The following SPMAP2L variants were observed in gnomAD, a reference collection of about 807,000 sequenced individuals.
SPMAP2L encodes the protein sperm microtubule associated protein 2-like.
the SPMAP2L span, among the ~76,000 whole-genome samples, chr4:56,567,337 G>T: frequency 6.6e-6 from 1 of 151,164 alleles, no homozygotes; most frequent in Non-Finnish European, 1.5e-5. Context: ...TACGATGTTG[G>T]CTCACTGCAA....
At chr4:56,606,436 T>A in the SPMAP2L span, among the ~76,000 whole-genome samples, 1 of 152,150 alleles carries the variant, frequency 6.6e-6, no homozygotes, top group Non-Finnish European at 1.5e-5. Flanking sequence ...TCTGGGACTG[T>A]GGATCTTAAG....
At chr4:56,613,049 T>G in the SPMAP2L span, among the ~76,000 whole-genome samples, 1 of 152,102 alleles carries the variant, frequency 6.6e-6, no homozygotes, top group Non-Finnish European at 1.5e-5. Flanking sequence ...CTGTCTTCAG[T>G]GGTTAGCCTT....
chr4:56,600,295 T>C, the SPMAP2L span, among the ~76,000 whole-genome samples: 2 of 151,464 alleles, frequency 1.3e-5, no homozygotes, highest in African/African-American at 4.9e-5. Context: ...TAGGATGGGT[T>C]TATTTATTTA....
the SPMAP2L span, among the ~76,000 whole-genome samples, chr4:56,599,271 C>T: frequency 6.6e-6 from 1 of 152,122 alleles, no homozygotes; most frequent in Non-Finnish European, 1.5e-5. Context: ...TAGCCTCAAC[C>T]TCCCTGGGCT....
the SPMAP2L span, chr4:56,601,058 C>G: frequency 6.5e-7 from 1 of 1,535,402 alleles, no homozygotes; most frequent in Non-Finnish European, 8.7e-7. Context: ...TATGCTACTA[C>G]TCATTCCAAA....
At chr4:56,573,468 C>T in the SPMAP2L span, among the ~76,000 whole-genome samples, 1 of 152,072 alleles carries the variant, frequency 6.6e-6, no homozygotes, top group Non-Finnish European at 1.5e-5. Context: ...ACTGCTTGGG[C>T]CTTTCCCCTC....
chr4:56,531,234 A>C, the SPMAP2L span: 1 of 1,468,914 alleles, frequency 6.8e-7, no homozygotes. Flanking sequence ...CCACGCGCTG[A>C]GCACCCACGC....
chr4:56,577,621 A>G, the SPMAP2L span, among the ~76,000 whole-genome samples: 7 of 152,174 alleles, frequency 4.6e-5, no homozygotes, highest in African/African-American at 1.7e-4. Context: ...GCACTGAAGG[A>G]AAAAGATTGT....
chr4:56,589,533 G>A, the SPMAP2L span, among the ~76,000 whole-genome samples: 92 of 152,164 alleles, frequency 6.0e-4, no homozygotes, highest in Admixed American at 1.7e-3. Context: ...CACTATGGTC[G>A]TTTTCACAAT....
chr4:56,539,803 T>A, the SPMAP2L span, among the ~76,000 whole-genome samples: 1 of 152,140 alleles, frequency 6.6e-6, no homozygotes, highest in Non-Finnish European at 1.5e-5. Flanking sequence ...AGGCCCTGAC[T>A]TCTCTCCCTA....
the SPMAP2L span, among the ~76,000 whole-genome samples, chr4:56,551,687 A>G: frequency 6.6e-6 from 1 of 152,216 alleles, no homozygotes; most frequent in Non-Finnish European, 1.5e-5. Flanking sequence ...CAGTTGTAAT[A>G]TGAGTCACCA....
chr4:56,533,137 C>A, the SPMAP2L span, among the ~76,000 whole-genome samples: 4 of 152,144 alleles, frequency 2.6e-5, no homozygotes, highest in Non-Finnish European at 5.9e-5. Context: ...TAAATCGAAC[C>A]CTTGCCTGCA....
chr4:56,605,050 A>C, the SPMAP2L span, among the ~76,000 whole-genome samples: 49 of 152,350 alleles, frequency 3.2e-4, no homozygotes, highest in African/African-American at 1.1e-3. Flanking sequence ...TAATGGGTAC[A>C]GTGTACACTG....
the SPMAP2L span, among the ~76,000 whole-genome samples, chr4:56,572,773 TG>T: frequency 1.3e-5 from 2 of 152,226 alleles, no homozygotes; most frequent in South Asian, 2.1e-4. Flanking sequence ...CCCAGCACTT[TG>T]GGAGGCCAAG....
At chr4:56,566,703 T>C in the SPMAP2L span, among the ~76,000 whole-genome samples, 4 of 140,548 alleles carry the variant, frequency 2.8e-5, no homozygotes, top group African/African-American at 8.0e-5. Flanking sequence ...TTCTTTTTTT[T>C]TTTTTTTTTT....
At chr4:56,616,548 T>C in the SPMAP2L span, among the ~76,000 whole-genome samples, 5,020 of 152,036 alleles carry the variant, frequency 0.033, 235 homozygotes, top group African/African-American at 0.11. Context: ...GGTATGATCT[T>C]GTATGGCTTC....
At chr4:56,567,479 A>C in the SPMAP2L span, among the ~76,000 whole-genome samples, 1 of 109,242 alleles carries the variant, frequency 9.2e-6, no homozygotes, top group Admixed American at 1.1e-4. Flanking sequence ...TAGTAGAGAC[A>C]GGGTTTCACC....
the SPMAP2L span, chr4:56,593,247 TG>T: frequency 7.9e-7 from 1 of 1,272,390 alleles, no homozygotes; most frequent in Non-Finnish European, 1.2e-6. Flanking sequence ...GCATCCCTGC[TG>T]GATGAGGGAC....
chr4:56,540,841 A>G, the SPMAP2L span, among the ~76,000 whole-genome samples: 1 of 152,172 alleles, frequency 6.6e-6, no homozygotes, highest in African/African-American at 2.4e-5. Flanking sequence ...CTACAGGAAA[A>G]TCAGCCAATG....
Sources: allele counts gnomAD v4.1 joint callset (sites outside exome capture counted in the v4.1 genomes callset), GRCh38; gene constraint gnomAD v4.1.1; transcripts MANE v1.5; gene names NCBI Gene and HGNC (gene_info 2026-07-23, HGNC 2026-07-21).